NR3C2: variants seen among roughly 807,000 people sequenced by gnomAD.
The protein encoded by NR3C2 is mineralocorticoid receptor.
NR3C2 carries 15 observed loss-of-function variants against 86.4 expected under a neutral mutation model. That is an observed-to-expected ratio of 0.17 (90% CI 0.12 to 0.27). The LOEUF is 0.27. Ranked by LOEUF, NR3C2 falls within the 10% of genes least tolerant of loss-of-function variation. NR3C2 has a pLI of 1.00. For missense variants in NR3C2, 960 were observed against 1,195.6 expected (o/e 0.80, Z 2.91); for synonymous variants, 458 against 450.5 (o/e 1.02, Z -0.21).
At chr4:148,314,009 G>A (rs1427355865) in intron 2 of NR3C2, among the ~76,000 whole-genome samples, 2 of 152,252 alleles carry the variant, frequency 1.3e-5, no homozygotes, top group East Asian at 1.9e-4. Context: ...ACTTCGATTC[G>A]AAAGAGGAGG....
At chr4:148,353,872 T>C (rs142534345) in intron 2 of NR3C2, among the ~76,000 whole-genome samples, 1 of 152,254 alleles carries the variant, frequency 6.6e-6, no homozygotes, top group African/African-American at 2.4e-5. Flanking sequence ...AAGAAACCAT[T>C]CCTAGTGATG....
intron 2 of NR3C2, among the ~76,000 whole-genome samples, chr4:148,279,689 G>C (rs1186751635): frequency 6.6e-6 from 1 of 152,106 alleles, no homozygotes; most frequent in Non-Finnish European, 1.5e-5. Flanking sequence ...ATCAAGCATT[G>C]CATACATTCT....
chr4:148,229,885 C>T (rs1214990639), intron 3 of NR3C2, among the ~76,000 whole-genome samples: 2 of 152,166 alleles, frequency 1.3e-5, no homozygotes, highest in Non-Finnish European at 2.9e-5. Flanking sequence ...AGGTCTGTCC[C>T]CTTTCCAACC....
intron 3 of NR3C2, among the ~76,000 whole-genome samples, chr4:148,209,857 G>A (rs996731255): frequency 4.6e-5 from 7 of 152,264 alleles, no homozygotes; most frequent in Admixed American, 1.3e-4. Context: ...GAAGTTCCTA[G>A]AATGTTCCAG....
intron 7 of NR3C2, among the ~76,000 whole-genome samples, chr4:148,114,998 G>GAA: frequency 6.6e-6 from 1 of 152,286 alleles, no homozygotes; most frequent in African/African-American, 2.4e-5. Context: ...CTATCTCTGA[G>GAA]GTATTGGCAA....
At chr4:148,083,634 A>G (rs1730679418) in intron 8 of NR3C2, among the ~76,000 whole-genome samples, 1 of 152,208 alleles carries the variant, frequency 6.6e-6, no homozygotes, top group Non-Finnish European at 1.5e-5. Context: ...CTCTTCTCCT[A>G]CAAAGGATCA....
chr4:148,435,738 G>A lies in NR3C2; in HGVS notation c.1123C>T (p.Pro375Ser), dbSNP rs1235702744. 6.2e-7 allele frequency: 1 copy of A among 1,614,044 alleles called. No homozygotes were observed. Among genetic ancestry groups the A allele is most frequent in the Non-Finnish European group, 8.5e-7 (1 of 1,180,042 alleles). The change falls in exon 2 of 9, where the codon CCT becomes TCT. Residue 375 changes from proline to serine, a missense_variant. Around this residue, in one of 4 missense-constraint regions of NR3C2, gnomAD observed 680 missense variants for 719.0 expected, o/e 0.95. Coordinates refer to ENST00000358102, the MANE Select transcript of NR3C2 (RefSeq NM_000901.5). Reference protein sequence around the residue: ...QEKGAQEVPFPKTEEVESAIS... With the variant: ...QEKGAQEVPFSKTEEVESAIS... ...GCACTCTCTACTTCCTCAGTCTTAG[G>A]AAAAGGGACCTCTTGAGCACCTTTC...
At chr4:148,193,101 T>C (rs1736277715) in intron 4 of NR3C2, among the ~76,000 whole-genome samples, 1 of 152,202 alleles carries the variant, frequency 6.6e-6, no homozygotes, top group Non-Finnish European at 1.5e-5. Context: ...TGGATCCCTG[T>C]GGTGTCAGGT....
chr4:148,157,978 C>G (rs1321389174), intron 4 of NR3C2, among the ~76,000 whole-genome samples: 1 of 152,104 alleles, frequency 6.6e-6, no homozygotes, highest in African/African-American at 2.4e-5. Flanking sequence ...GACATAACTA[C>G]TGGCTTTAAG....
rs751258014 is a variant in NR3C2 at position 148,435,301 on chromosome 4, T to C, written c.1560A>G (p.Gly520=). Residue 520 remains glycine, a synonymous_variant, in exon 2 of 9, where the codon GGA becomes GGG. Transcript: ENST00000358102. ...SSAIVGVNSG[G]QSFHYRIGAQ... ...CACCAATCCTGTAGTGGAAGGACTG[T>C]CCACCTGAATTCACCCCAACAATAG... The C allele has an allele frequency of 6.2e-7, 1 of 1,614,148 alleles. No individual in the cohort carries two copies. Among genetic ancestry groups the C allele is most frequent in the South Asian group, 1.1e-5 (1 of 91,078 alleles).
chr4:148,207,346 G>C (rs980189883), intron 3 of NR3C2, among the ~76,000 whole-genome samples: 1 of 152,196 alleles, frequency 6.6e-6, no homozygotes, highest in Admixed American at 6.5e-5. Flanking sequence ...ATGCTCACTA[G>C]AATCACCTGG....
chr4:148,082,665 G>GTTTTT (rs11381991), intron 8 of NR3C2, among the ~76,000 whole-genome samples: 2,971 of 130,854 alleles, frequency 0.023, 118 homozygotes, highest in Admixed American at 0.038. Context: ...GCTAGCTGCA[G>GTTTTT]TTTTTTTTTT....
intron 2 of NR3C2, among the ~76,000 whole-genome samples, chr4:148,281,520 T>C (rs1741241311): frequency 6.6e-6 from 1 of 152,212 alleles, no homozygotes; most frequent in Non-Finnish European, 1.5e-5. Flanking sequence ...CTGCAAAACA[T>C]TGAAATACTC....
chr4:148,090,175 G>A (rs1364393863), intron 8 of NR3C2, among the ~76,000 whole-genome samples: 1 of 152,230 alleles, frequency 6.6e-6, no homozygotes, highest in Non-Finnish European at 1.5e-5. Flanking sequence ...CACTGGGGAA[G>A]CTGCAGTGAA....
At chr4:148,442,960 G>A, upstream of NR3C2, 1 of 985,342 alleles carries the variant, frequency 1.0e-6, no homozygotes, top group Non-Finnish European at 1.2e-6. Flanking sequence ...TGCAGCTCCA[G>A]GTGAGCTGCA....
chr4:148,413,020 G>T (rs1158760436), intron 2 of NR3C2, among the ~76,000 whole-genome samples: 1 of 152,162 alleles, frequency 6.6e-6, no homozygotes, highest in Non-Finnish European at 1.5e-5. Flanking sequence ...ATGAATAACT[G>T]ATCAAAACTA....
intron 2 of NR3C2, among the ~76,000 whole-genome samples, chr4:148,264,368 G>T (rs918144395): frequency 6.6e-6 from 1 of 152,170 alleles, no homozygotes; most frequent in Non-Finnish European, 1.5e-5. Flanking sequence ...ATCACAAAAT[G>T]GGGGGAGGCA....
chr4:148,441,777 A>T (rs760905588), intron 1 of NR3C2, among the ~76,000 whole-genome samples: 1 of 152,006 alleles, frequency 6.6e-6, no homozygotes, highest in Non-Finnish European at 1.5e-5. Context: ...TATGCGCTAC[A>T]CCTCCGGCTG....
At chr4:148,443,253 A>AAAAAAAAAAAG, upstream of NR3C2, among the ~76,000 whole-genome samples, 1 of 134,498 alleles carries the variant, frequency 7.4e-6, no homozygotes, top group Non-Finnish European at 1.6e-5. Context: ...AAAAAAAAAA[A>AAAAAAAAAAAG]AGAGAGAGAG....
Sources: allele counts gnomAD v4.1 joint callset (sites outside exome capture counted in the v4.1 genomes callset), GRCh38; gene constraint gnomAD v4.1.1; regional missense constraint gnomAD v4.1.1; transcripts MANE v1.5; gene names NCBI Gene and HGNC (gene_info 2026-07-23, HGNC 2026-07-21).